Variants in CCDC47 observed in about 807,000 individuals in gnomAD.
The protein encoded by CCDC47 is PAT complex subunit CCDC47.
CCDC47 carries 41 observed loss-of-function variants against 60.5 expected under a neutral mutation model. That is an observed-to-expected ratio of 0.68 (90% CI 0.53 to 0.88). CCDC47 has a LOEUF of 0.88. CCDC47 is among the 40% of genes least tolerant of loss of function. The pLI is 0.00. For missense variants in CCDC47, 513 were observed against 580.9 expected (o/e 0.88, Z 1.20); for synonymous variants, 195 against 190.7 (o/e 1.02, Z -0.18).
At position 63,754,499 on chromosome 17, in the gene CCDC47, T is replaced by C; in HGVS notation, c.968A>G (p.His323Arg). The change falls in exon 9 of 13, where the codon CAC becomes CGC. Residue 323 changes from histidine (H) to arginine (R), a missense_variant. His to Arg is a conservative substitution (Grantham distance 29, BLOSUM62 0). Transcript: ENST00000225726. Reference sequence around the variant, plus strand: ...AACAGATTCAATCTTGTCAGCATAGTGTGTAAGAAAGTGAACCATCTGAAA... The same window carrying C: ...AACAGATTCAATCTTGTCAGCATAGCGTGTAAGAAAGTGAACCATCTGAAA... ...MDTKMVHFLTHYADKIESVHF... is the reference protein window; with the variant it reads ...MDTKMVHFLTRYADKIESVHF... 1 of 1,607,482 alleles carries C rather than the reference T, an allele frequency of 6.2e-7. No homozygotes were observed.
intron 9 of CCDC47, 51 bp from the exon 10 acceptor site, chr17:63,752,850 C>A: frequency 1.3e-6 from 2 of 1,590,172 alleles, no homozygotes; most frequent in South Asian, 1.1e-5. Context: ...AGATGTTTTC[C>A]ATGTACACAA....
At chr17:63,762,469 G>C (rs974206033) in intron 4 of CCDC47, among the ~76,000 whole-genome samples, 1 of 152,148 alleles carries the variant, frequency 6.6e-6, no homozygotes, top group African/African-American at 2.4e-5. Flanking sequence ...AGCAACTATA[G>C]CCAATTGACA....
intron 6 of CCDC47, among the ~76,000 whole-genome samples, chr17:63,758,228 C>T (rs2039222254): frequency 1.3e-5 from 2 of 152,192 alleles, no homozygotes; most frequent in Admixed American, 6.5e-5. Flanking sequence ...GTGGGGAGGT[C>T]ATAGGAACCC....
intron 8 of CCDC47, among the ~76,000 whole-genome samples, chr17:63,754,734 T>A (rs550941854): frequency 6.6e-6 from 1 of 151,500 alleles, no homozygotes; most frequent in South Asian, 2.1e-4. Context: ...TACAAAAAAA[T>A]TAGCCGGGCA....
In CCDC47 at chr17:63,745,935, A is replaced by C. The variant is rs2039117177; in HGVS notation, c.*946T>G. 1 of 152,234 alleles carries C rather than the reference A, an allele frequency of 6.6e-6. No homozygotes were observed. Among genetic ancestry groups the C allele is most frequent in the South Asian group, 2.1e-4 (1 of 4,834 alleles). The allele number at this position is 152,234 out of a possible 1,614,324, so 9.4% of individuals were successfully genotyped here. A position where few individuals can be genotyped will look rare whatever the true frequency, so the allele number is the denominator to read the frequency against. On this transcript the variant is annotated 3_prime_UTR_variant, in exon 13 of 13. Transcript: ENST00000225726. The stretch of plus-strand genomic sequence containing the variant: ...CACATATTCATGGCCATTTCTTTGA[A>C]AGAACATACCCAGCCTCAACTGTGG...
At chr17:63,753,309 T>C in intron 9 of CCDC47, 1 of 600,210 alleles carries the variant, frequency 1.7e-6, no homozygotes, top group African/African-American at 2.0e-5. Flanking sequence ...ATATGAATCC[T>C]TTGACTATCA....
chr17:63,766,065 A>T lies in CCDC47; in HGVS notation c.111T>A (p.Asn37Lys), dbSNP rs2039295723. The part of the protein sequence containing the change: ...DEEDIVEYDD[N>K]DFAEFEDVME... Reference sequence around the variant, plus strand: ...TGACATCCTCAAATTCAGCGAAGTCATTATCATCATACTCTACTATGTCCT... The same window carrying T: ...TGACATCCTCAAATTCAGCGAAGTCTTTATCATCATACTCTACTATGTCCT... Residue 37 changes from asparagine (N) to lysine (K), a missense_variant, in exon 2 of 13, where the codon AAT becomes AAA. Coordinates refer to ENST00000225726, the MANE Select transcript of CCDC47 (RefSeq NM_020198.3). The T allele has an allele frequency of 6.2e-7, 1 of 1,614,032 alleles. No individual in the cohort carries two copies. The highest frequency in any genetic ancestry group is 1.1e-5 in the South Asian group (1 of 91,090).
At chr17:63,767,758 C>T (rs2039307641) in intron 1 of CCDC47, among the ~76,000 whole-genome samples, 1 of 152,264 alleles carries the variant, frequency 6.6e-6, no homozygotes, top group Admixed American at 6.5e-5. Context: ...TCTTACTTCA[C>T]AGGCCTCCCC....
In CCDC47 at chr17:63,764,097, C is replaced by A; in HGVS notation, c.466G>T (p.Gly156Trp). The A allele has an allele frequency of 6.2e-7, 1 of 1,613,050 alleles. No individual in the cohort carries two copies. Among genetic ancestry groups the A allele is most frequent in the Non-Finnish European group, 8.5e-7 (1 of 1,179,752 alleles). ...LLAYIMNYII[G>W]KNKNSRLAQA... ...GCAAGGCGACTGTTTTTATTCTTCC[C>A]AATGATGTAATTCATGATATAAGCA... is the stretch of plus-strand genomic sequence containing the variant. The change falls in exon 4 of 13, where the codon GGG (glycine) becomes TGG (tryptophan). Residue 156 changes from glycine (G) to tryptophan (W), a missense_variant. Coordinates refer to ENST00000225726, the MANE Select transcript of CCDC47 (RefSeq NM_020198.3).
chr17:63,766,790 A>G (rs1374482691), intron 1 of CCDC47: 2 of 964,962 alleles, frequency 2.1e-6, no homozygotes, highest in East Asian at 2.3e-4. Context: ...AGTATTCAAT[A>G]AGCATTTTTT....
chr17:63,759,450 T>C lies in CCDC47; in HGVS notation c.735+1464A>G, dbSNP rs542044073. 4.5e-3 allele frequency among the ~76,000 whole-genome samples: 597 copies of C among 131,216 alleles called. 5 individuals are homozygous for C. Among genetic ancestry groups the C allele is most frequent in the African/African-American group, 0.016 (558 of 35,874 alleles). 86.1% of individuals were successfully genotyped at this position (131,216 alleles called of 152,430 possible). ...GTTGCAGTGAGCCAAGGTCAAGCCA[T>C]TGCACTCCAGCCTGGGTGATAGAGT... is the stretch of plus-strand genomic sequence containing the variant. On this transcript the variant is annotated intron_variant, in intron 6 of 12. Coordinates refer to ENST00000225726, the MANE Select transcript of CCDC47 (RefSeq NM_020198.3).
At chr17:63,752,504 T>C in intron 10 of CCDC47, 75 bp from the exon 11 acceptor site, 2 of 1,056,462 alleles carry the variant, frequency 1.9e-6, no homozygotes, top group Non-Finnish European at 2.7e-6. Flanking sequence ...CTCTTTTTTT[T>C]TTTTAATCTT....
At chr17:63,769,659 A>C (rs2039322664) in intron 1 of CCDC47, among the ~76,000 whole-genome samples, 1 of 151,876 alleles carries the variant, frequency 6.6e-6, no homozygotes, top group South Asian at 2.1e-4. Context: ...AGAAAACAAA[A>C]AAGTTTAACA....
rs1172897951 is a variant in CCDC47, at chr17:63,773,436, C to A, written c.-44G>T. 1 of 152,776 alleles carries A rather than the reference C, an allele frequency of 6.5e-6. No individual in the cohort carries two copies. Among genetic ancestry groups the A allele is most frequent in the African/African-American group, 2.4e-5 (1 of 41,478 alleles). The allele number at this position is 152,776 out of a possible 1,614,324, so 9.5% of individuals were successfully genotyped here. On this transcript the variant is annotated 5_prime_UTR_variant, in exon 1 of 13. Coordinates refer to ENST00000225726, the MANE Select transcript of CCDC47 (RefSeq NM_020198.3). Reference sequence around the variant, plus strand: ...CCTGTGGCCGAAGCCGAAACCCGGCCCAGCGCCCTGCGTCCGACACCCCTG... The same window carrying A: ...CCTGTGGCCGAAGCCGAAACCCGGCACAGCGCCCTGCGTCCGACACCCCTG...
intron 12 of CCDC47, among the ~76,000 whole-genome samples, chr17:63,751,351 G>C (rs1276219826): frequency 1.2e-5 from 1 of 84,368 alleles, no homozygotes; most frequent in Non-Finnish European, 2.2e-5. Flanking sequence ...GGGTGACAGA[G>C]TGAGACTCCA....
chr17:63,756,257 C>T lies in CCDC47; in HGVS notation c.931G>A (p.Gly311Arg), dbSNP rs767009267. The change falls in exon 8 of 13, where the codon GGA (glycine) becomes AGA (arginine). Residue 311 changes from glycine (G) to arginine (R), a missense_variant. Transcript: ENST00000225726. ...ILSEMGEVTD[G>R]MMDTKMVHFL... ...GCATTTACCTTTGTATCCATCATTCCGTCTGTGACTTCTCCCATCTCTGAC... is the reference window on the plus strand; with the variant it reads ...GCATTTACCTTTGTATCCATCATTCTGTCTGTGACTTCTCCCATCTCTGAC... The T allele has an allele frequency of 3.1e-6, 5 of 1,613,018 alleles. No homozygotes were observed. The highest frequency in any genetic ancestry group is 1.7e-5 in the Admixed American group (1 of 60,002).
At chr17:63,770,985 C>CAAAA (rs760648451) in intron 1 of CCDC47, among the ~76,000 whole-genome samples, 15,902 of 45,140 alleles carry the variant, frequency 0.35, 3,754 homozygotes, top group South Asian at 0.57. Context: ...GAGACTGTGT[C>CAAAA]AAAAAAAAAA....
intron 1 of CCDC47, among the ~76,000 whole-genome samples, chr17:63,769,613 C>CAAAAAAA (rs60378449): frequency 6.1e-5 from 6 of 98,950 alleles, no homozygotes; most frequent in Non-Finnish European, 1.1e-4. Context: ...AACTCCATCT[C>CAAAAAAA]AAAAAAAAAA....
intron 1 of CCDC47, among the ~76,000 whole-genome samples, chr17:63,769,961 C>CTTTTT (rs397857898): frequency 7.0e-5 from 9 of 128,438 alleles, no homozygotes; most frequent in South Asian, 4.7e-4. Context: ...ATTTTTCTTT[C>CTTTTT]TTTTTTTTTT....
Sources: allele counts gnomAD v4.1 joint callset (sites outside exome capture counted in the v4.1 genomes callset), GRCh38; gene constraint gnomAD v4.1.1; transcripts MANE v1.5; gene names NCBI Gene and HGNC (gene_info 2026-07-23, HGNC 2026-07-21).